SCAI: variants seen among roughly 807,000 people sequenced by gnomAD.
SCAI encodes the protein protein SCAI.
In SCAI, 24 loss-of-function variants were observed where a neutral mutation model predicts 92.2. The observed-to-expected ratio is 0.26, with a 90% CI of 0.19 to 0.37. SCAI has a LOEUF of 0.37. Among genes scored for constraint, SCAI ranks in the 10% least tolerant of loss-of-function variants. The pLI, the probability that SCAI is intolerant of heterozygous loss-of-function variation, is 1.00. For missense variants in SCAI, 450 were observed against 736.2 expected, an observed-to-expected ratio of 0.61 and a Z score of 4.50; for synonymous variants, 261 against 258.6, an observed-to-expected ratio of 1.01 and a Z score of -0.09.
chr9:125,042,615 A>ATGTGTGTGTGTGTGTG (rs150983142), intron 3 of SCAI, among the ~76,000 whole-genome samples: 2,536 of 104,534 alleles, frequency 0.024, 40 homozygotes, highest in Non-Finnish European at 0.027. Context: ...CCACCAGAGT[A>ATGTGTGTGTGTGTGTG]TGTGTGTGTG....
At chr9:125,007,723 T>C (rs1247918798) in intron 9 of SCAI, among the ~76,000 whole-genome samples, 1 of 151,700 alleles carries the variant, frequency 6.6e-6, no homozygotes, top group Non-Finnish European at 1.5e-5. Flanking sequence ...TGTGGCACAA[T>C]CATGGCTCAC....
chr9:124,965,901 A>C lies in SCAI; in HGVS notation c.1674+5469T>G, dbSNP rs1215187426. 2.0e-5 allele frequency among the ~76,000 whole-genome samples: 3 copies of C among 152,148 alleles called. No individual in the cohort carries two copies. In the East Asian group the frequency reaches 5.8e-4, roughly 29 times the overall value. ...TAAACACAATAAAAAATATGTGAGA[A>C]CCACTAGAGATCATTTTTTATTACA... On this transcript the variant is annotated intron_variant, in intron 17 of 17. Coordinates refer to ENST00000336505, the MANE Select transcript of SCAI (RefSeq NM_001144877.3).
At chr9:124,959,710 G>A (rs1427812029) in intron 17 of SCAI, among the ~76,000 whole-genome samples, 9 of 48,440 alleles carry the variant, frequency 1.9e-4, no homozygotes, top group East Asian at 6.1e-4. Flanking sequence ...AATAGGCCCC[G>A]ATGTGTGATG....
chr9:124,969,846 C>T (rs1831617863), intron 17 of SCAI, among the ~76,000 whole-genome samples: 1 of 152,068 alleles, frequency 6.6e-6, no homozygotes, highest in African/African-American at 2.4e-5. Flanking sequence ...ACAAGAATTT[C>T]ACAGTAACAT....
chr9:125,113,415 T>A (rs1196962967), intron 2 of SCAI, among the ~76,000 whole-genome samples: 2 of 151,834 alleles, frequency 1.3e-5, no homozygotes, highest in Admixed American at 1.3e-4. Flanking sequence ...ATAAGAGAGG[T>A]CTGAGAAACT....
chr9:125,078,372 C>T lies in SCAI; in HGVS notation c.99-22365G>A, dbSNP rs1232416294. On this transcript the variant is annotated intron_variant, in intron 2 of 17. Coordinates refer to ENST00000336505, the MANE Select transcript of SCAI (RefSeq NM_001144877.3). Reference sequence around the variant, plus strand: ...TGAAACCACATCTCTACCAAAAATACAAAAAATTAGCCAGGCATGGTGGCA... The same window carrying T: ...TGAAACCACATCTCTACCAAAAATATAAAAAATTAGCCAGGCATGGTGGCA... Among the ~76,000 whole-genome samples the T allele has an allele frequency of 2.0e-5, 3 of 151,672 alleles. No homozygotes were observed. In the East Asian group the frequency reaches 5.8e-4, roughly 29 times the overall value.
chr9:125,127,458 G>A (rs1239006576), intron 2 of SCAI, among the ~76,000 whole-genome samples: 1 of 146,770 alleles, frequency 6.8e-6, no homozygotes, highest in African/African-American at 2.5e-5. Flanking sequence ...AGGCTAGTCT[G>A]AGCTCAAACT....
At chr9:124,960,407 A>G (rs1334382165) in intron 17 of SCAI, among the ~76,000 whole-genome samples, 1 of 152,184 alleles carries the variant, frequency 6.6e-6, no homozygotes, top group Non-Finnish European at 1.5e-5. Context: ...GTAATAGCCA[A>G]CACTGTACAA....
At chr9:125,100,913 A>T (rs1440470791) in intron 2 of SCAI, among the ~76,000 whole-genome samples, 1 of 152,204 alleles carries the variant, frequency 6.6e-6, no homozygotes, top group Non-Finnish European at 1.5e-5. Context: ...TTTGAGCAAC[A>T]GCAAAACACT....
At chr9:125,102,652 C>T (rs1419504536) in intron 2 of SCAI, among the ~76,000 whole-genome samples, 1 of 151,926 alleles carries the variant, frequency 6.6e-6, no homozygotes, top group African/African-American at 2.4e-5. Context: ...GGCTGGAGTG[C>T]AGTGGCACGA....
intron 3 of SCAI, among the ~76,000 whole-genome samples, chr9:125,039,078 G>A (rs388704): frequency 6.6e-6 from 1 of 151,934 alleles, no homozygotes; most frequent in Non-Finnish European, 1.5e-5. Flanking sequence ...TCTTACATTC[G>A]GCTTAATTTT....
intron 17 of SCAI, chr9:124,968,345 T>C (rs1324669329): frequency 8.3e-7 from 1 of 1,210,880 alleles, no homozygotes; most frequent in Non-Finnish European, 1.2e-6. Flanking sequence ...GTTTGGTTTT[T>C]AAGGCTTTAG....
chr9:125,074,458 A>G (rs1227460585), intron 2 of SCAI, among the ~76,000 whole-genome samples: 1 of 149,126 alleles, frequency 6.7e-6, no homozygotes, highest in Non-Finnish European at 1.5e-5. Context: ...GGGTCTCACC[A>G]TGTTGGCCAA....
At chr9:125,097,141 T>C (rs2131206462) in intron 2 of SCAI, among the ~76,000 whole-genome samples, 1 of 152,240 alleles carries the variant, frequency 6.6e-6, no homozygotes, top group East Asian at 1.9e-4. Flanking sequence ...TTGTTAAAAG[T>C]TAAAAAATTA....
intron 17 of SCAI, among the ~76,000 whole-genome samples, chr9:124,956,373 C>T (rs1170763859): frequency 6.6e-6 from 1 of 152,152 alleles, no homozygotes; most frequent in Non-Finnish European, 1.5e-5. Context: ...CATGCGCCAC[C>T]ACGCCTGGCT....
Position 125,092,995 on chromosome 9 carries a change from T to C in SCAI, c.99-36988A>G, listed in dbSNP as rs149319774. On this transcript the variant is annotated intron_variant, in intron 2 of 17. Coordinates refer to ENST00000336505, the MANE Select transcript of SCAI (RefSeq NM_001144877.3). ...AGGGTAATTATCAGTCTTCATCTTA[T>C]GTTACTTATCGACAGCACTGGACAC... 2.4e-3 allele frequency among the ~76,000 whole-genome samples: 369 copies of C among 152,360 alleles called. 2 individuals carry two copies. The highest frequency in any genetic ancestry group is 8.5e-3 in the African/African-American group (354 of 41,580).
At chr9:124,963,257 C>T (rs934765666) in intron 17 of SCAI, among the ~76,000 whole-genome samples, 1 of 151,520 alleles carries the variant, frequency 6.6e-6, no homozygotes, top group Non-Finnish European at 1.5e-5. Flanking sequence ...CTGTCTCAGC[C>T]TCCCGAGCAG....
At chr9:125,066,412 T>A (rs1833867830) in intron 2 of SCAI, among the ~76,000 whole-genome samples, 2 of 152,078 alleles carry the variant, frequency 1.3e-5, no homozygotes, top group Admixed American at 6.6e-5. Context: ...TCATGGTAAG[T>A]GCCCTGATAG....
At chr9:125,118,638 G>A (rs950464098) in intron 2 of SCAI, among the ~76,000 whole-genome samples, 3 of 152,108 alleles carry the variant, frequency 2.0e-5, no homozygotes, top group Admixed American at 1.3e-4. Context: ...CTATCAACCC[G>A]TCATTTAGGT....
Sources: allele counts gnomAD v4.1 joint callset (sites outside exome capture counted in the v4.1 genomes callset), GRCh38; gene constraint gnomAD v4.1.1; transcripts MANE v1.5; gene names NCBI Gene and HGNC (gene_info 2026-07-23, HGNC 2026-07-21).